The following REL variants were observed in gnomAD, a reference collection of about 807,000 sequenced individuals.
REL encodes REL proto-oncogene, NF-kB subunit, also known as proto-oncogene c-Rel.
A neutral mutation model predicts 45.9 loss-of-function variants in REL; 15 were observed. The observed-to-expected ratio is 0.33, with a 90% confidence interval of 0.22 to 0.50. The LOEUF (loss-of-function observed/expected upper bound fraction) is 0.50. Among genes scored for constraint, REL ranks in the 20% least tolerant of loss-of-function variants. The pLI is 0.98. For synonymous variants in REL, 239 were observed against 242.1 expected (o/e 0.99, Z 0.12); for missense variants, 601 against 715.2 (o/e 0.84, Z 1.82).
intron 3 of REL, chr2:60,899,354 A>G (rs1156551132): frequency 1.3e-5 from 2 of 152,146 alleles, no homozygotes; most frequent in African/African-American, 2.4e-5. Flanking sequence ...GTAGGGTGTC[A>G]TGTACCTGTA....
At chr2:60,889,764 C>T (rs1673161435) in intron 1 of REL, among the ~76,000 whole-genome samples, 1 of 152,166 alleles carries the variant, frequency 6.6e-6, no homozygotes, top group African/African-American at 2.4e-5. Context: ...TATGTCCCTA[C>T]AAAGGACATG....
chr2:60,914,762 A>G (rs951706914), intron 4 of REL, among the ~76,000 whole-genome samples: 2 of 151,292 alleles, frequency 1.3e-5, no homozygotes, highest in Non-Finnish European at 2.9e-5. Context: ...ATACTTTTGT[A>G]TCTGGTTTCT....
At position 60,894,329 on chromosome 2, in the gene REL, C is replaced by G. The variant is rs1301376865; in HGVS notation, c.154-68C>G. ...CATTATAATTAATGTAAATTGAATT[C>G]TCATTTAGTAGATCAGTTTATAATG... On this transcript the variant is annotated intron_variant, in intron 2 of 9. Coordinates refer to ENST00000394479, the MANE Select transcript of REL (RefSeq NM_001291746.2). The G allele has an allele frequency of 5.5e-6, 5 of 917,240 alleles. No individual in the cohort carries two copies. In the Admixed American group the frequency reaches 1.2e-4, roughly 22 times the overall value. The allele number at this position is 917,240 out of a possible 1,614,324, so 56.8% of individuals were successfully genotyped here.
intron 4 of REL, among the ~76,000 whole-genome samples, chr2:60,904,437 G>A (rs1273115850): frequency 6.6e-6 from 1 of 151,648 alleles, no homozygotes; most frequent in Non-Finnish European, 1.5e-5. Flanking sequence ...CGGGCGTGGT[G>A]GCGCACACCT....
chr2:60,916,831 G>C, intron 4 of REL, 46 bp from the exon 5 acceptor site: 1 of 1,444,486 alleles, frequency 6.9e-7, no homozygotes, highest in Non-Finnish European at 9.6e-7. Context: ...CAAGTCTTTA[G>C]GTCTATGTGA....
intron 1 of REL, among the ~76,000 whole-genome samples, chr2:60,889,883 A>G (rs947690817): frequency 6.6e-6 from 1 of 152,142 alleles, no homozygotes; most frequent in African/African-American, 2.4e-5. Context: ...AGTCTTTGCT[A>G]TTGTGAAGAG....
rs112994201 is a variant in REL, at chr2:60,920,029, C to A, written c.854-12C>A. On this transcript the variant is annotated splice_polypyrimidine_tract_variant and intron_variant, in intron 7 of 9. Transcript: ENST00000394479. ...AATTTTTTATCTGCTTTCCTGGTTT[C>A]TTTCTAATCAGATACTTACGGCAAT... The A allele has an allele frequency of 9.5e-6, 15 of 1,584,150 alleles. No homozygotes were observed. The African/African-American group carries it at 1.5e-4, about 16-fold the overall frequency.
chr2:60,892,390 T>G (rs547960144), intron 2 of REL, among the ~76,000 whole-genome samples: 1 of 152,308 alleles, frequency 6.6e-6, no homozygotes, highest in African/African-American at 2.4e-5. Context: ...AAAATGACTT[T>G]GGTAAACATA....
intron 4 of REL, among the ~76,000 whole-genome samples, chr2:60,916,392 C>T (rs1230804775): frequency 6.6e-6 from 1 of 152,158 alleles, no homozygotes; most frequent in Non-Finnish European, 1.5e-5. Context: ...CCAGCCTGGG[C>T]AACAGAGTGA....
intron 9 of REL, 90 bp from the exon 10 acceptor site, chr2:60,921,673 A>G: frequency 1.8e-6 from 2 of 1,121,442 alleles, no homozygotes; most frequent in South Asian, 3.2e-5. Flanking sequence ...TTCTTTATAT[A>G]TATTTGTGTG....
chr2:60,884,932 A>G (rs905292750), intron 1 of REL, among the ~76,000 whole-genome samples: 1 of 152,200 alleles, frequency 6.6e-6, no homozygotes, highest in East Asian at 1.9e-4. Flanking sequence ...GAAGTTAGGA[A>G]TGGATAGCTA....
chr2:60,906,104 C>T (rs1231791825), intron 4 of REL, among the ~76,000 whole-genome samples: 1 of 152,126 alleles, frequency 6.6e-6, no homozygotes, highest in African/African-American at 2.4e-5. Context: ...GCGGAAATCC[C>T]TGATAAAACC....
chr2:60,926,788 C>A lies in REL; in HGVS notation c.*4253C>A. The A allele has an allele frequency of 4.4e-6, 1 of 227,530 alleles. No homozygotes were observed. Among genetic ancestry groups the A allele is most frequent in the East Asian group, 6.2e-5 (1 of 16,042 alleles). The allele number at this position is 227,530 out of a possible 1,614,324, so 14.1% of individuals were successfully genotyped here. A position where few individuals can be genotyped will look rare whatever the true frequency, so the allele number is the denominator to read the frequency against. On this transcript the variant is annotated 3_prime_UTR_variant, in exon 10 of 10. Coordinates refer to ENST00000394479, the MANE Select transcript of REL (RefSeq NM_001291746.2). ...CACACTCATACTTAATCATCAAGTC[C>A]TTTTGAGCTTGTCTCCTCTTGAATA...
rs928178405 is a variant in REL, at chr2:60,923,459, G to C, written c.*924G>C. On this transcript the variant is annotated 3_prime_UTR_variant, in exon 10 of 10. Coordinates refer to ENST00000394479, the MANE Select transcript of REL (RefSeq NM_001291746.2). Reference sequence around the variant, plus strand: ...TCACTCCCTGTGATCTCATAAAACTGCCTATTTGACATCTCTATCTAGAAA... The same window carrying C: ...TCACTCCCTGTGATCTCATAAAACTCCCTATTTGACATCTCTATCTAGAAA... 4.3e-6 allele frequency: 1 copy of C among 231,958 alleles called. No homozygotes were observed. The highest frequency in any genetic ancestry group is 8.5e-6 in the Non-Finnish European group (1 of 117,334). 14.4% of individuals were successfully genotyped at this position (231,958 alleles called of 1,614,324 possible). A position where few individuals can be genotyped will look rare whatever the true frequency, so the allele number is the denominator to read the frequency against.
At chr2:60,889,557 G>A (rs1673156498) in intron 1 of REL, among the ~76,000 whole-genome samples, 1 of 152,004 alleles carries the variant, frequency 6.6e-6, no homozygotes, top group African/African-American at 2.4e-5. Flanking sequence ...TTGGTGTGCT[G>A]CACCCATTAA....
Position 60,924,192 on chromosome 2 carries a change from C to T in REL, c.*1657C>T, listed in dbSNP as rs1410178606. The T allele has an allele frequency of 4.3e-6, 1 of 230,206 alleles. No homozygotes were observed. The highest frequency in any genetic ancestry group is 8.6e-6 in the Non-Finnish European group (1 of 116,214). The allele number at this position is 230,206 out of a possible 1,614,324, so 14.3% of individuals were successfully genotyped here. On this transcript the variant is annotated 3_prime_UTR_variant, in exon 10 of 10. Coordinates refer to ENST00000394479, the MANE Select transcript of REL (RefSeq NM_001291746.2). The stretch of plus-strand genomic sequence containing the variant: ...CCTTGAATATATACATCAGCATTCC[C>T]TTTCCCCCCTGCTTTATGTATGTCC...
At position 60,924,161 on chromosome 2, in the gene REL, G is replaced by C. The variant is rs778859520; in HGVS notation, c.*1626G>C. 9 of 230,798 alleles carry C rather than the reference G, an allele frequency of 3.9e-5. No individual in the cohort carries two copies. Among genetic ancestry groups the C allele is most frequent in the Non-Finnish European group, 6.9e-5 (8 of 116,590 alleles). 14.3% of individuals were successfully genotyped at this position (230,798 alleles called of 1,614,324 possible). The stretch of plus-strand genomic sequence containing the variant: ...GTGTCACTCCACTGTTACCTGAGCA[G>C]GTCGTCCTTGAATATATACATCAGC... On this transcript the variant is annotated 3_prime_UTR_variant, in exon 10 of 10. Coordinates refer to ENST00000394479, the MANE Select transcript of REL (RefSeq NM_001291746.2).
intron 4 of REL, among the ~76,000 whole-genome samples, chr2:60,911,852 G>T (rs1673823799): frequency 6.6e-6 from 1 of 151,840 alleles, no homozygotes; most frequent in Non-Finnish European, 1.5e-5. Flanking sequence ...TACAAAATTA[G>T]CTGGGCGTGG....
intron 4 of REL, 100 bp from the exon 5 acceptor site, chr2:60,916,777 C>T: frequency 9.0e-6 from 6 of 664,566 alleles, no homozygotes; most frequent in Non-Finnish European, 1.5e-5. Flanking sequence ...TATTTGGATG[C>T]TATTCAAGGT....
Sources: allele counts gnomAD v4.1 joint callset (sites outside exome capture counted in the v4.1 genomes callset), GRCh38; gene constraint gnomAD v4.1.1; transcripts MANE v1.5; gene names NCBI Gene and HGNC (gene_info 2026-07-23, HGNC 2026-07-21).